Variants in GPRC6A observed in about 807,000 individuals in gnomAD.
GPRC6A encodes G protein-coupled receptor family C group 6 member A.
In GPRC6A, 54 loss-of-function variants were observed where a neutral mutation model predicts 47.0. That is an observed-to-expected ratio of 1.15 (90% confidence interval 0.92 to 1.44). The LOEUF (loss-of-function observed/expected upper bound fraction) is 1.44. Ranked by LOEUF, GPRC6A falls within the 40% of genes most tolerant of loss-of-function variation. The pLI is 0.00. For synonymous variants in GPRC6A, 347 were observed against 377.1 expected (o/e 0.92, Z 0.93); for missense variants, 1,112 against 1,105.5 (o/e 1.01, Z -0.08).
chr6:116,802,342 C>A (rs529539486), intron 3 of GPRC6A, among the ~76,000 whole-genome samples: 7 of 152,132 alleles, frequency 4.6e-5, no homozygotes, highest in Non-Finnish European at 1.0e-4. Flanking sequence ...TTTTTCATAT[C>A]ATTTAAAAAA....
At chr6:116,816,545 G>A (rs553807630) in intron 1 of GPRC6A, among the ~76,000 whole-genome samples, 69 of 152,310 alleles carry the variant, frequency 4.5e-4, no homozygotes, top group African/African-American at 7.7e-4. Context: ...CAAGATGGCC[G>A]AATAGGAACA....
At position 116,792,852 on chromosome 6, in the gene GPRC6A, C is replaced by T; in HGVS notation, c.2071G>A (p.Asp691Asn). 1.2e-6 allele frequency: 2 copies of T among 1,613,990 alleles called. No homozygotes were observed. Among genetic ancestry groups the T allele is most frequent in the Non-Finnish European group, 1.7e-6 (2 of 1,179,970 alleles). The change falls in exon 6 of 6, where the codon GAT becomes AAT. Residue 691 changes from aspartate to asparagine, a missense_variant. Transcript: ENST00000310357. Reference sequence around the variant, plus strand: ...TTCAGAAATTTCTGTAATTTGGGATCAAAGCTGAAGGCTAGCAAAATTTTC... The same window carrying T: ...TTCAGAAATTTCTGTAATTTGGGATTAAAGCTGAAGGCTAGCAAAATTTTC... Reference protein sequence around the residue: ...SLKILLAFSFDPKLQKFLKCL... With the variant: ...SLKILLAFSFNPKLQKFLKCL...
chr6:116,821,582 C>T (rs1299006456), intron 1 of GPRC6A, among the ~76,000 whole-genome samples: 2 of 152,004 alleles, frequency 1.3e-5, no homozygotes, highest in Non-Finnish European at 2.9e-5. Flanking sequence ...TGATCTTTGA[C>T]AAACCTGAGA....
At chr6:116,822,891 T>TAAAAAAAAA (rs757893318) in intron 1 of GPRC6A, among the ~76,000 whole-genome samples, 29 of 117,388 alleles carry the variant, frequency 2.5e-4, no homozygotes, top group South Asian at 8.6e-4. Flanking sequence ...TACTAGTCTC[T>TAAAAAAAAA]AAAAAAAAAA....
At position 116,816,893 on chromosome 6, in the gene GPRC6A, C is replaced by T. The variant is rs991312446; in HGVS notation, c.195-7276G>A. Among the ~76,000 whole-genome samples, 9 of 151,676 alleles carry T rather than the reference C, an allele frequency of 5.9e-5. No homozygotes were observed. In the East Asian group the frequency reaches 7.8e-4, roughly 13 times the overall value. On this transcript the variant is annotated intron_variant, in intron 1 of 5. Transcript: ENST00000310357. ...CCTGGCTCAGAGGGTCCTACGCCCACGGAATCTCACTGATTGCTAGCACAG... is the reference window on the plus strand; with the variant it reads ...CCTGGCTCAGAGGGTCCTACGCCCATGGAATCTCACTGATTGCTAGCACAG...
intron 1 of GPRC6A, among the ~76,000 whole-genome samples, chr6:116,821,600 G>C (rs1773482643): frequency 6.6e-6 from 1 of 151,974 alleles, no homozygotes; most frequent in African/African-American, 2.4e-5. Flanking sequence ...AGAAAAACAA[G>C]CAATGGGGAA....
intron 1 of GPRC6A, among the ~76,000 whole-genome samples, chr6:116,823,722 TG>T (rs746614359): frequency 9.9e-5 from 15 of 152,260 alleles, no homozygotes; most frequent in Admixed American, 5.2e-4. Flanking sequence ...GAGGTTTAAT[TG>T]GCTCATGGAT....
At chr6:116,825,020 T>C (rs56199694) in intron 1 of GPRC6A, among the ~76,000 whole-genome samples, 426 of 152,182 alleles carry the variant, frequency 2.8e-3, no homozygotes, top group African/African-American at 1.0e-2. Flanking sequence ...AGAAAAAGTA[T>C]TTGATAAAAT....
chr6:116,823,809 G>A (rs997297040), intron 1 of GPRC6A, among the ~76,000 whole-genome samples: 6 of 152,038 alleles, frequency 3.9e-5, no homozygotes, highest in Admixed American at 3.9e-4. Flanking sequence ...TATAATTATG[G>A]CAGAAGGCAA....
At position 116,828,670 on chromosome 6, in the gene GPRC6A, G is replaced by A. The variant is rs984176417; in HGVS notation, c.194+150C>T. ...AGGGCTGTTATAGCTCTCTTTTAAA[G>A]AAGGATTGCAAGATTAACCATATGC... On this transcript the variant is annotated intron_variant, in intron 1 of 5. Transcript: ENST00000310357. 8 of 599,892 alleles carry A rather than the reference G, an allele frequency of 1.3e-5. No individual in the cohort carries two copies. In the African/African-American group the frequency reaches 1.5e-4, roughly 11 times the overall value. The allele number at this position is 599,892 out of a possible 1,614,324, so 37.2% of individuals were successfully genotyped here.
intron 1 of GPRC6A, among the ~76,000 whole-genome samples, chr6:116,818,146 C>A (rs960455766): frequency 2.6e-5 from 4 of 152,022 alleles, no homozygotes; most frequent in Non-Finnish European, 5.9e-5. Context: ...GTTGGGTTAC[C>A]CTCAAAGGGA....
chr6:116,813,334 A>C (rs1486289227), intron 1 of GPRC6A, among the ~76,000 whole-genome samples: 2 of 152,214 alleles, frequency 1.3e-5, no homozygotes, highest in African/African-American at 4.8e-5. Context: ...AGCTGGAGGC[A>C]TTGTGCTACC....
At chr6:116,825,206 A>C (rs1451326854) in intron 1 of GPRC6A, among the ~76,000 whole-genome samples, 2 of 152,070 alleles carry the variant, frequency 1.3e-5, no homozygotes, top group African/African-American at 4.8e-5. Flanking sequence ...CACCACTCTT[A>C]TTCAACATAG....
At chr6:116,817,972 G>A (rs1035223441) in intron 1 of GPRC6A, among the ~76,000 whole-genome samples, 7 of 152,034 alleles carry the variant, frequency 4.6e-5, no homozygotes, top group Non-Finnish European at 8.8e-5. Context: ...ATATTATCCA[G>A]GAGAACTTCC....
intron 4 of GPRC6A, among the ~76,000 whole-genome samples, chr6:116,800,342 T>C (rs1041096154): frequency 2.8e-4 from 39 of 140,348 alleles, no homozygotes; most frequent in African/African-American, 1.0e-3. Flanking sequence ...CTTCCTTCCT[T>C]CTTTCCTTCT....
chr6:116,802,067 G>A lies in GPRC6A; in HGVS notation c.1336-1271C>T, dbSNP rs868485136. Among the ~76,000 whole-genome samples, 29 of 152,210 alleles carry A rather than the reference G, an allele frequency of 1.9e-4. No individual in the cohort carries two copies. The South Asian group carries it at 2.5e-3, about 13-fold the overall frequency. The stretch of plus-strand genomic sequence containing the variant: ...AGGGAGCACATCCTCTTCCACACAA[G>A]TGTTTGAACTATAATTTCTACCTCT... On this transcript the variant is annotated intron_variant, in intron 3 of 5. Transcript: ENST00000310357.
rs562723890 is a variant in GPRC6A at position 116,816,198 on chromosome 6, G to A, written c.195-6581C>T. 2.0e-4 allele frequency among the ~76,000 whole-genome samples: 30 copies of A among 152,234 alleles called. No individual in the cohort carries two copies. The South Asian group carries it at 5.2e-3, about 26-fold the overall frequency. On this transcript the variant is annotated intron_variant, in intron 1 of 5. Transcript: ENST00000310357. ...AATTCTAGCATTAACTCAAAAGTCC[G>A]AAGTCCAAAGTCTCATCTGAGTAGT...
At chr6:116,795,323 T>C (rs1204192418) in intron 5 of GPRC6A, among the ~76,000 whole-genome samples, 2 of 152,176 alleles carry the variant, frequency 1.3e-5, no homozygotes, top group Non-Finnish European at 2.9e-5. Flanking sequence ...TTCTATTATG[T>C]TTAGTTAATT....
intron 1 of GPRC6A, among the ~76,000 whole-genome samples, chr6:116,825,387 G>T (rs756736639): frequency 5.3e-5 from 8 of 151,928 alleles, no homozygotes; most frequent in African/African-American, 1.9e-4. Flanking sequence ...ATTCAGTAAA[G>T]TTGCAGGATA....
Sources: allele counts gnomAD v4.1 joint callset (sites outside exome capture counted in the v4.1 genomes callset), GRCh38; gene constraint gnomAD v4.1.1; transcripts MANE v1.5; gene names NCBI Gene and HGNC (gene_info 2026-07-23, HGNC 2026-07-21).